Variants in LRRTM4 observed in about 807,000 individuals in gnomAD.
The protein encoded by LRRTM4 is leucine-rich repeat transmembrane neuronal protein 4.
Under a neutral mutation model 47.6 loss-of-function variants are expected in LRRTM4, and 25 were observed. The ratio of observed to expected loss-of-function variants is 0.53; its 90% CI spans 0.38 to 0.73. The LOEUF (loss-of-function observed/expected upper bound fraction) is 0.73. Ranked by LOEUF, LRRTM4 falls within the 30% of genes least tolerant of loss-of-function variation. The pLI is 0.00. For missense variants in LRRTM4, 638 were observed against 713.4 expected (o/e 0.89, Z 1.20); for synonymous variants, 311 against 269.5 (o/e 1.15, Z -1.51).
Position 77,519,739 on chromosome 2 carries a change from T to G in LRRTM4, c.130A>C (p.Ile44Leu). The G allele has an allele frequency of 1.2e-6, 2 of 1,613,340 alleles. No homozygotes were observed. Among genetic ancestry groups the G allele is most frequent in the Non-Finnish European group, 1.7e-6 (2 of 1,179,592 alleles). ...AAAGCATGAGACTCACAGTACACAA[T>G]TTTGCCATCACATCTGCAGTTCTTT... ...CPKNCRCDGK[I>L]VYCESHAFAD... is the part of the protein sequence containing the mutation. The change falls in exon 3 of 4, where the codon ATT becomes CTT. Residue 44 changes from isoleucine (I) to leucine (L), a missense_variant. Transcript: ENST00000409884. This position sits in a 1 kb window ranked among gnomAD's most constrained non-coding sequence, Gnocchi z 4.6.
chr2:76,945,469 G>A (rs1241892216), intron 3 of LRRTM4, among the ~76,000 whole-genome samples: 1 of 152,014 alleles, frequency 6.6e-6, no homozygotes, highest in East Asian at 1.9e-4. Flanking sequence ...CATGGCAAAT[G>A]TGCAATGGAG....
intron 3 of LRRTM4, among the ~76,000 whole-genome samples, chr2:77,078,783 TCTTA>T (rs1281502704): frequency 6.6e-6 from 1 of 152,168 alleles, no homozygotes; most frequent in African/African-American, 2.4e-5. Flanking sequence ...TGAAATACCA[TCTTA>T]CTTCATTCCA....
intron 3 of LRRTM4, among the ~76,000 whole-genome samples, chr2:77,029,071 AAT>A (rs1194632782): frequency 3.2e-4 from 44 of 138,844 alleles, no homozygotes; most frequent in Non-Finnish European, 4.5e-4. Context: ...ATATATATAT[AAT>A]ATATATATAT....
intron 3 of LRRTM4, among the ~76,000 whole-genome samples, chr2:77,416,171 T>C (rs1674628422): frequency 6.6e-6 from 1 of 152,130 alleles, no homozygotes; most frequent in African/African-American, 2.4e-5. Context: ...TGCTTTAATA[T>C]GGGATAGAAT....
chr2:77,022,459 A>C (rs1678307602), intron 3 of LRRTM4, among the ~76,000 whole-genome samples: 1 of 152,136 alleles, frequency 6.6e-6, no homozygotes, highest in African/African-American at 2.4e-5. Context: ...CATTAACCCA[A>C]AAGTCCACAG....
chr2:77,315,750 A>G (rs1033927034), intron 3 of LRRTM4, among the ~76,000 whole-genome samples: 1 of 152,034 alleles, frequency 6.6e-6, no homozygotes, highest in Admixed American at 6.6e-5. Flanking sequence ...CAGTTTTACA[A>G]CCCAGGGCTG....
chr2:76,779,248 G>A (rs1391868743), intron 3 of LRRTM4, among the ~76,000 whole-genome samples: 14 of 146,936 alleles, frequency 9.5e-5, no homozygotes, highest in South Asian at 2.2e-4. Context: ...TTGATTTGGG[G>A]TGGAGAGTTC....
rs1246990076 is a variant in LRRTM4 at position 77,519,119 on chromosome 2, C to G, written c.750G>C (p.Trp250Cys). 1 of 1,613,006 alleles carries G rather than the reference C, an allele frequency of 6.2e-7. No individual in the cohort carries two copies. Among genetic ancestry groups the G allele is most frequent in the South Asian group, 1.1e-5 (1 of 91,034 alleles). ...RIRSISQGLTWTWSSLHNLDL... is the reference protein window; with the variant it reads ...RIRSISQGLTCTWSSLHNLDL... ...CCAAGTTGTGTAAGGAACTCCAAGT[C>G]CATGTCAAACCTTGGCTAATGGAGC... is the stretch of plus-strand genomic sequence containing the variant. The change falls in exon 3 of 4, where the codon TGG becomes TGC. Residue 250 changes from tryptophan (W) to cysteine (C), a missense_variant. Transcript: ENST00000409884. This position sits in a 1 kb window ranked among gnomAD's most constrained non-coding sequence, Gnocchi z 4.6.
chr2:77,372,110 T>A (rs540777397), intron 3 of LRRTM4, among the ~76,000 whole-genome samples: 54 of 151,840 alleles, frequency 3.6e-4, no homozygotes, highest in Non-Finnish European at 7.4e-4. Context: ...TTTAAAAAAA[T>A]ATGACAATAG....
At chr2:77,353,947 C>T (rs1020194087) in intron 3 of LRRTM4, among the ~76,000 whole-genome samples, 13 of 152,154 alleles carry the variant, frequency 8.5e-5, no homozygotes, top group Non-Finnish European at 1.0e-4. Context: ...TCCATGACTG[C>T]ATCTGTAGAG....
chr2:76,957,199 G>A (rs1675703108), intron 3 of LRRTM4, among the ~76,000 whole-genome samples: 1 of 151,666 alleles, frequency 6.6e-6, no homozygotes. Context: ...TATGGGAGGT[G>A]TTAAAGTGGT....
Position 77,474,337 on chromosome 2 carries a change from A to AT in LRRTM4, c.1551+43980dup, listed in dbSNP as rs572673884. Among the ~76,000 whole-genome samples the AT allele has an allele frequency of 1.2e-4, 19 of 152,050 alleles. No homozygotes were observed. The South Asian group carries it at 3.3e-3, about 27-fold the overall frequency. Reference sequence around the variant, plus strand: ...GGGGCTGTCACTATTTATATAGGTGATTTTTTTAGTAGTCCATTTTTTTTT... The same window carrying AT: ...GGGGCTGTCACTATTTATATAGGTGATTTTTTTTAGTAGTCCATTTTTTTTT... On this transcript the variant is annotated intron_variant, in intron 3 of 3. Coordinates refer to ENST00000409884, the MANE Select transcript of LRRTM4 (RefSeq NM_001134745.3).
intron 3 of LRRTM4, among the ~76,000 whole-genome samples, chr2:76,892,530 A>G (rs969771892): frequency 6.6e-6 from 1 of 151,788 alleles, no homozygotes; most frequent in African/African-American, 2.4e-5. Flanking sequence ...CTGAAAACTT[A>G]TTTAAGTGTA....
chr2:77,434,537 A>G (rs1182233322), intron 3 of LRRTM4, among the ~76,000 whole-genome samples: 2 of 152,324 alleles, frequency 1.3e-5, no homozygotes, highest in Non-Finnish European at 2.9e-5. Context: ...GGCAGAAATT[A>G]ATTAGAGTTA....
chr2:77,214,252 C>G (rs1277734524), intron 3 of LRRTM4, among the ~76,000 whole-genome samples: 1 of 152,096 alleles, frequency 6.6e-6, no homozygotes, highest in Non-Finnish European at 1.5e-5. Context: ...CACTTGGGAA[C>G]AAGAGAGACC....
chr2:76,969,636 T>C (rs1035936110), intron 3 of LRRTM4, among the ~76,000 whole-genome samples: 2 of 151,844 alleles, frequency 1.3e-5, no homozygotes, highest in Admixed American at 6.6e-5. Flanking sequence ...ACAAAAAAAA[T>C]GCCATAACAA....
chr2:77,389,181 AT>A (rs966443740), intron 3 of LRRTM4, among the ~76,000 whole-genome samples: 1 of 152,034 alleles, frequency 6.6e-6, no homozygotes, highest in African/African-American at 2.4e-5. Flanking sequence ...TGCCAAACAT[AT>A]TGCCAATCCA....
At chr2:76,854,580 T>G (rs1272013310) in intron 3 of LRRTM4, among the ~76,000 whole-genome samples, 1 of 152,192 alleles carries the variant, frequency 6.6e-6, no homozygotes, top group Non-Finnish European at 1.5e-5. Context: ...TTGCCAATTT[T>G]AATGTATACA....
chr2:76,848,793 T>C (rs1171053311), intron 3 of LRRTM4, among the ~76,000 whole-genome samples: 1 of 152,192 alleles, frequency 6.6e-6, no homozygotes, highest in Admixed American at 6.6e-5. Flanking sequence ...AATCCAAGTA[T>C]AAAATTTATT....
Sources: allele counts gnomAD v4.1 joint callset (sites outside exome capture counted in the v4.1 genomes callset), GRCh38; gene constraint gnomAD v4.1.1; non-coding constraint Gnocchi (gnomAD v3.1); transcripts MANE v1.5; gene names NCBI Gene and HGNC (gene_info 2026-07-23, HGNC 2026-07-21).